SLC39A14: variants seen among roughly 807,000 people sequenced by gnomAD.
SLC39A14 encodes solute carrier family 39 member 14.
SLC39A14 carries 19 observed loss-of-function variants against 45.5 expected under a neutral mutation model. That is an observed-to-expected ratio of 0.42 (90% confidence interval 0.29 to 0.61). The LOEUF is 0.61. Among genes scored for constraint, SLC39A14 ranks in the 20% least tolerant of loss-of-function variants. The pLI is 0.22. For missense variants in SLC39A14, 447 were observed against 616.5 expected (o/e 0.73, Z 2.91); for synonymous variants, 264 against 251.3 (o/e 1.05, Z -0.48).
At chr8:22,400,098 G>A (rs1203156219) in intron 1 of SLC39A14, among the ~76,000 whole-genome samples, 2 of 152,152 alleles carry the variant, frequency 1.3e-5, no homozygotes, top group Admixed American at 6.5e-5. Flanking sequence ...ACAGAGACAC[G>A]CAGGACTTTG....
downstream of SLC39A14, among the ~76,000 whole-genome samples, chr8:22,425,883 GTTTTTGTTTTT>G (rs1055202851): frequency 4.3e-5 from 6 of 140,862 alleles, no homozygotes; most frequent in African/African-American, 1.5e-4. Flanking sequence ...GCTCTAGATG[GTTTTTGTTTTT>G]TTTTTGTTTT....
At chr8:22,377,666 G>T (rs1159060599) in intron 1 of SLC39A14, among the ~76,000 whole-genome samples, 1 of 152,126 alleles carries the variant, frequency 6.6e-6, no homozygotes, top group East Asian at 1.9e-4. Flanking sequence ...CATTTTCTTA[G>T]TTGGGGTGAA....
At chr8:22,368,666 AGCTGGGACTACAGGCGCGT>A (rs1832775540) in intron 1 of SLC39A14, among the ~76,000 whole-genome samples, 2 of 152,054 alleles carry the variant, frequency 1.3e-5, no homozygotes, top group Admixed American at 6.5e-5. Flanking sequence ...CCTCCCGAGT[AGCTGGGACTACAGGCGCGT>A]GCCACCATGC....
At chr8:22,417,613 C>T (rs1322576745) in intron 7 of SLC39A14, 38 bp from the exon 8 acceptor site, 9 of 1,579,626 alleles carry the variant, frequency 5.7e-6, no homozygotes, top group Non-Finnish European at 7.8e-6. Flanking sequence ...CTTACTCTTC[C>T]TTCCTCGTCC....
chr8:22,419,019 G>C (rs199894937), intron 8 of SLC39A14, among the ~76,000 whole-genome samples: 3 of 128,126 alleles, frequency 2.3e-5, no homozygotes, highest in Admixed American at 8.3e-5. Context: ...AGAGCGAGTG[G>C]AAAAAAGGAA....
intron 8 of SLC39A14, among the ~76,000 whole-genome samples, chr8:22,429,864 A>G (rs1836441403): frequency 6.6e-6 from 1 of 152,210 alleles, no homozygotes; most frequent in Non-Finnish European, 1.5e-5. Flanking sequence ...GAGGTAGGGA[A>G]TGGGCAGACA....
chr8:22,401,168 G>A (rs1317509484), intron 1 of SLC39A14, among the ~76,000 whole-genome samples: 1 of 152,208 alleles, frequency 6.6e-6, no homozygotes, highest in Non-Finnish European at 1.5e-5. Flanking sequence ...AGTGATTCTA[G>A]AATGTTGACT....
At chr8:22,426,502 G>A (rs1298361782), downstream of SLC39A14, among the ~76,000 whole-genome samples, 1 of 152,132 alleles carries the variant, frequency 6.6e-6, no homozygotes, top group Non-Finnish European at 1.5e-5. Context: ...CTCTCTAGAT[G>A]TTTTTCTACA....
intron 1 of SLC39A14, among the ~76,000 whole-genome samples, chr8:22,403,075 C>T (rs1040690413): frequency 2.0e-5 from 3 of 151,980 alleles, no homozygotes; most frequent in Non-Finnish European, 4.4e-5. Context: ...CTGCAGGGTT[C>T]ACGCCATTCT....
At chr8:22,409,856 C>G (rs769500418) in intron 3 of SLC39A14, 7 of 1,368,742 alleles carry the variant, frequency 5.1e-6, no homozygotes, top group Non-Finnish European at 7.2e-6. Context: ...TGCCCCATCA[C>G]ACCTGAATTC....
chr8:22,368,599 C>T (rs984922846), intron 1 of SLC39A14, among the ~76,000 whole-genome samples: 15 of 151,984 alleles, frequency 9.9e-5, no homozygotes, highest in Admixed American at 2.6e-4. Flanking sequence ...TGCAGTGGCG[C>T]GATCTCGGCT....
At chr8:22,411,948 T>C in intron 3 of SLC39A14, 89 bp from the exon 4 acceptor site, 1 of 1,272,552 alleles carries the variant, frequency 7.9e-7, no homozygotes, top group Non-Finnish European at 1.1e-6. Context: ...TGCTCCACCT[T>C]CCTCCCGCTA....
chr8:22,400,346 A>G lies in SLC39A14; in HGVS notation c.-15-4350A>G, dbSNP rs190552608. ...CTGTTAAAGGAACTGGGGAATGCCA[A>G]GTGCTTAGCAAGGTCTGCAATCGGT... On this transcript the variant is annotated intron_variant, in intron 1 of 8. Transcript: ENST00000381237. 1.8e-3 allele frequency among the ~76,000 whole-genome samples: 278 copies of G among 152,292 alleles called. 2 individuals are homozygous for G. Among genetic ancestry groups the G allele is most frequent in the Non-Finnish European group, 1.0e-3 (71 of 68,026 alleles).
Position 22,413,878 on chromosome 8 carries a change from C to T in SLC39A14, c.628-902C>T, listed in dbSNP as rs561061734. 4.6e-5 allele frequency among the ~76,000 whole-genome samples: 7 copies of T among 152,162 alleles called. No homozygotes were observed. In the East Asian group the frequency reaches 1.2e-3, roughly 25 times the overall value. On this transcript the variant is annotated intron_variant, in intron 4 of 8. Coordinates refer to ENST00000381237, the MANE Select transcript of SLC39A14 (RefSeq NM_001128431.4). Reference sequence around the variant, plus strand: ...CAATCTCTGCCTCCTGGGTTCAAGCCATTCTCCTGCCTCACACTCCCGAGT... The same window carrying T: ...CAATCTCTGCCTCCTGGGTTCAAGCTATTCTCCTGCCTCACACTCCCGAGT...
intron 8 of SLC39A14, among the ~76,000 whole-genome samples, chr8:22,432,645 AT>A (rs35981745): frequency 0.59 from 67,489 of 113,986 alleles, 19,182 homozygotes; most frequent in Non-Finnish European, 0.63. Flanking sequence ...TGCCCGGCTA[AT>A]TTTTTTTTTT....
At chr8:22,423,786 TTCTCTCTCTC>T (rs58420252), downstream of SLC39A14, among the ~76,000 whole-genome samples, 3 of 122,260 alleles carry the variant, frequency 2.5e-5, no homozygotes, top group South Asian at 6.4e-4. Context: ...TTTAATTGGT[TTCTCTCTCTC>T]TCTCTCTCTC....
At chr8:22,423,340 G>GTT (rs61108660), downstream of SLC39A14, among the ~76,000 whole-genome samples, 6 of 135,876 alleles carry the variant, frequency 4.4e-5, no homozygotes, top group Non-Finnish European at 6.3e-5. Flanking sequence ...TTGTTGTTTT[G>GTT]TTTTTTTTTT....
intron 8 of SLC39A14, among the ~76,000 whole-genome samples, chr8:22,430,991 CTTTT>C (rs869060206): frequency 3.3e-5 from 2 of 60,610 alleles, no homozygotes; most frequent in Non-Finnish European, 3.6e-5. Flanking sequence ...CCAATTCCCT[CTTTT>C]TTTTTTTTTT....
chr8:22,372,774 T>C (rs1432081042), intron 1 of SLC39A14, among the ~76,000 whole-genome samples: 1 of 152,178 alleles, frequency 6.6e-6, no homozygotes, highest in Non-Finnish European at 1.5e-5. Context: ...GCTATCTGTA[T>C]TGATAGTATA....
Sources: allele counts gnomAD v4.1 joint callset (sites outside exome capture counted in the v4.1 genomes callset), GRCh38; gene constraint gnomAD v4.1.1; transcripts MANE v1.5; gene names NCBI Gene and HGNC (gene_info 2026-07-23, HGNC 2026-07-21).